The following FAM240C variants were observed in gnomAD, a reference collection of about 807,000 sequenced individuals.
FAM240C encodes the protein protein FAM240C.
FAM240C carries 14 observed loss-of-function variants against 10.0 expected under a neutral mutation model. That is an observed-to-expected ratio of 1.40 (90% CI 0.92 to 2.19). The LOEUF (loss-of-function observed/expected upper bound fraction) is 2.19. FAM240C is among the 30% of genes most tolerant of loss of function. The probability of loss-of-function intolerance (pLI) is 0.00; values close to 1 mark genes in which losing one functional copy is unlikely to be tolerated. For missense variants in FAM240C, 154 were observed against 122.3 expected (o/e 1.26, Z -1.22); for synonymous variants, 49 against 44.3 (o/e 1.11, Z -0.42).
chr2:241,900,466 C>G, upstream of FAM240C: 1 of 701,752 alleles, frequency 1.4e-6, no homozygotes, highest in Non-Finnish European at 2.7e-6. This position sits in a 1 kb window ranked among gnomAD's most constrained non-coding sequence, Gnocchi z 4.5. Context: ...CTCTCTGTTA[C>G]ATGGGCTCAG....
At chr2:241,898,580 T>G (rs1235235884) in intron 1 of FAM240C, among the ~76,000 whole-genome samples, 1 of 149,622 alleles carries the variant, frequency 6.7e-6, no homozygotes, top group East Asian at 2.0e-4. Flanking sequence ...AAAAAAAGAA[T>G]GTCCGTGACA....
At chr2:241,896,935 C>G (rs4973669) in intron 2 of FAM240C, among the ~76,000 whole-genome samples, 14,222 of 150,738 alleles carry the variant, frequency 0.094, 1,543 homozygotes, top group East Asian at 0.48. Context: ...ATCTGAGCTC[C>G]TGGTCTCACG....
At chr2:241,899,109 C>T (rs1439188528) in intron 1 of FAM240C, 3 of 1,303,882 alleles carry the variant, frequency 2.3e-6, no homozygotes, top group African/African-American at 1.5e-5. Flanking sequence ...CCTGCAAACA[C>T]ATCACCTGCT....
intron 2 of FAM240C, 48 bp from the exon 3 acceptor site, chr2:241,894,387 T>C (rs1256603352): frequency 6.6e-7 from 1 of 1,513,076 alleles, no homozygotes; most frequent in Non-Finnish European, 8.9e-7. Flanking sequence ...CTCTCGGAAC[T>C]TAGTGACGGC....
chr2:241,897,467 G>T (rs1490282722), intron 1 of FAM240C, 133 bp from the exon 2 acceptor site: 2 of 1,050,736 alleles, frequency 1.9e-6, no homozygotes, highest in South Asian at 1.6e-5. Context: ...CCTGGTTCGT[G>T]GGGGATGGCG....
At chr2:241,901,479 G>T (rs1701982338), upstream of FAM240C, among the ~76,000 whole-genome samples, 1 of 151,568 alleles carries the variant, frequency 6.6e-6, no homozygotes. The surrounding 1 kb of genome is among the most constrained non-coding windows in gnomAD (Gnocchi z 4.9). Context: ...CTTCACAGTT[G>T]TTTTTTTTTA....
chr2:241,895,810 A>T (rs1701782407), intron 2 of FAM240C, among the ~76,000 whole-genome samples: 1 of 149,726 alleles, frequency 6.7e-6, no homozygotes, highest in Non-Finnish European at 1.5e-5. Flanking sequence ...CACTCCTGGG[A>T]TCTGCACCCA....
chr2:241,897,442 C>T (rs773756687), intron 1 of FAM240C, 108 bp from the exon 2 acceptor site: 21 of 1,335,658 alleles, frequency 1.6e-5, no homozygotes, highest in Non-Finnish European at 2.0e-5. Context: ...CCTGCAGCAT[C>T]GTGGTCCCCG....
rs188878136 is a variant in FAM240C at position 241,900,270 on chromosome 2, A to T, written c.12+88T>A. ...GCTCACGTCTTGTGCCAGATATGTC[A>T]CATACTCTGTTCACCTTTTGGGGGC... is the stretch of plus-strand genomic sequence containing the variant. On this transcript the variant is annotated intron_variant, in intron 1 of 2. Transcript: ENST00000404031. The surrounding 1 kb of genome is among the most constrained non-coding windows in gnomAD (Gnocchi z 4.5). 42 of 708,632 alleles carry T rather than the reference A, an allele frequency of 5.9e-5. No homozygotes were observed. Among genetic ancestry groups the T allele is most frequent in the Middle Eastern group, 4.6e-4 (2 of 4,334 alleles). The allele number at this position is 708,632 out of a possible 1,614,324, so 43.9% of individuals were successfully genotyped here. A position where few individuals can be genotyped will look rare whatever the true frequency, so the allele number is the denominator to read the frequency against.
At chr2:241,901,575 T>A (rs1701984641), upstream of FAM240C, among the ~76,000 whole-genome samples, 1 of 152,128 alleles carries the variant, frequency 6.6e-6, no homozygotes, top group South Asian at 2.1e-4. The surrounding 1 kb of genome is among the most constrained non-coding windows in gnomAD (Gnocchi z 4.9). Flanking sequence ...CACCTTGATC[T>A]GTGGCTCCCT....
At chr2:241,896,864 G>T (rs1701852822) in intron 2 of FAM240C, among the ~76,000 whole-genome samples, 3 of 148,974 alleles carry the variant, frequency 2.0e-5, no homozygotes, top group South Asian at 2.1e-4. Context: ...TGTGGGTGTG[G>T]GGGTGGGGGT....
At chr2:241,899,849 C>T (rs145378906) in intron 1 of FAM240C, among the ~76,000 whole-genome samples, 5 of 152,232 alleles carry the variant, frequency 3.3e-5, no homozygotes, top group Admixed American at 6.5e-5. Context: ...GGGCGGATCA[C>T]GAGGTCAGGA....
At chr2:241,897,372 A>T in intron 1 of FAM240C, 38 bp from the exon 2 acceptor site, 1 of 1,541,384 alleles carries the variant, frequency 6.5e-7, no homozygotes, top group Non-Finnish European at 8.8e-7. Context: ...CAGTCACCTT[A>T]TGCCATTCCC....
At position 241,894,348 on chromosome 2, in the gene FAM240C, G is replaced by A; in HGVS notation, c.162-9C>T. On this transcript the variant is annotated splice_polypyrimidine_tract_variant and intron_variant, in intron 2 of 2. Transcript: ENST00000404031. ...CCCATCCCACGCGGAGCCTGGGGCA[G>A]GGCGATAATTTCGGCATTGTGAGTC... 6.5e-7 allele frequency: 1 copy of A among 1,536,202 alleles called. No homozygotes were observed. The highest frequency in any genetic ancestry group is 8.8e-7 in the Non-Finnish European group (1 of 1,139,458).
chr2:241,894,588 G>C (rs1278764650), intron 2 of FAM240C, among the ~76,000 whole-genome samples: 1 of 108,422 alleles, frequency 9.2e-6, no homozygotes, highest in Admixed American at 9.3e-5. Flanking sequence ...GGGGGGGGGG[G>C]CGTCTCACTC....
intron 1 of FAM240C, 117 bp from the exon 2 acceptor site, chr2:241,897,451 C>T (rs564459253): frequency 4.0e-5 from 52 of 1,290,940 alleles, no homozygotes; most frequent in Non-Finnish European, 4.9e-5. Context: ...TCGTGGTCCC[C>T]GCCTTCCTGG....
chr2:241,899,159 C>G (rs1359551474), intron 1 of FAM240C: 1 of 1,304,080 alleles, frequency 7.7e-7, no homozygotes, highest in Non-Finnish European at 1.0e-6. Context: ...GAGCTCGGCT[C>G]AGGTTGCAAT....
At chr2:241,897,895 C>T (rs983162654) in intron 1 of FAM240C, among the ~76,000 whole-genome samples, 3 of 152,160 alleles carry the variant, frequency 2.0e-5, no homozygotes, top group South Asian at 2.1e-4. Flanking sequence ...CCACCATGCC[C>T]AGCTAATTTT....
In FAM240C at chr2:241,899,084, C is replaced by A. The variant is rs1366393562; in HGVS notation, c.12+1274G>T. On this transcript the variant is annotated intron_variant, in intron 1 of 2. Coordinates refer to ENST00000404031, the MANE Select transcript of FAM240C (RefSeq NM_001382368.1). The stretch of plus-strand genomic sequence containing the variant: ...CGAGAGGAAAACCAGGCAGCTGAGA[C>A]CCGCGGGCTCGTTTCCTGCAAACAC... 16 of 1,288,548 alleles carry A rather than the reference C, an allele frequency of 1.2e-5. No homozygotes were observed. In the East Asian group the frequency reaches 8.9e-4, roughly 72 times the overall value. 79.8% of individuals were successfully genotyped at this position (1,288,548 alleles called of 1,614,324 possible). A position where few individuals can be genotyped will look rare whatever the true frequency, so the allele number is the denominator to read the frequency against.
Sources: gnomAD v4.1 joint callset for allele counts (sites outside exome capture counted in the v4.1 genomes callset) on GRCh38, gnomAD v4.1.1 for gene constraint, Gnocchi (gnomAD v3.1) non-coding constraint, MANE v1.5 for transcripts, NCBI Gene and HGNC (gene_info 2026-07-23, HGNC 2026-07-21) for gene names.